SPTBN5: variants seen among roughly 807,000 people sequenced by gnomAD.
SPTBN5 encodes spectrin beta, non-erythrocytic 5, also known as spectrin beta chain, non-erythrocytic 5.
In SPTBN5, 513 loss-of-function variants were observed where a neutral mutation model predicts 477.6. That is an observed-to-expected ratio of 1.07 (90% CI 1.00 to 1.16). The LOEUF is 1.16. SPTBN5 is among the 50% of genes most tolerant of loss of function. SPTBN5 has a pLI of 0.00. For synonymous variants in SPTBN5, 2,169 were observed against 2,011.7 expected (o/e 1.08, Z -2.09); for missense variants, 5,062 against 4,731.8 (o/e 1.07, Z -2.05).
chr15:41,883,285 C>T lies in SPTBN5; in HGVS notation c.1660-57G>A, dbSNP rs1163746104. On this transcript the variant is annotated intron_variant, in intron 8 of 67. Coordinates refer to ENST00000320955, the MANE Select transcript of SPTBN5 (RefSeq NM_016642.4). ...CCAAGGTGCTGGGTCCCTCTGAGCA[C>T]TGGCACTGGGGAAGTCCCCCACCTT... is the stretch of plus-strand genomic sequence containing the variant. 4 of 1,605,346 alleles carry T rather than the reference C, an allele frequency of 2.5e-6. No homozygotes were observed. The African/African-American group carries it at 4.0e-5, about 16-fold the overall frequency.
chr15:41,849,775 C>T, intron 67 of SPTBN5, 94 bp downstream of exon 67: 2 of 985,806 alleles, frequency 2.0e-6, no homozygotes, highest in Non-Finnish European at 3.1e-6. Flanking sequence ...CAGAGTAAGT[C>T]TGAGGCCCAG....
rs2065759403 is a variant in SPTBN5 at position 41,851,474 on chromosome 15, G to A, written c.10657-105C>T. On this transcript the variant is annotated intron_variant, in intron 63 of 67. Transcript: ENST00000320955. ...TGTGGAGCTTCCCAGGAAAAGCGGT[G>A]GATTGGACCAAAGTCCCAATGGGGA... The A allele has an allele frequency of 3.5e-6, 3 of 852,790 alleles. No individual in the cohort carries two copies. The East Asian group carries it at 8.0e-5, about 23-fold the overall frequency. 52.8% of individuals were successfully genotyped at this position (852,790 alleles called of 1,614,324 possible). A position where few individuals can be genotyped will look rare whatever the true frequency, so the allele number is the denominator to read the frequency against.
chr15:41,871,498 T>A lies in SPTBN5; in HGVS notation c.5324A>T (p.Lys1775Met). ...GCCCATCTCCACTTGGTGCTGAAAC[T>A]TTGCAAACTTGGTGCAGAGGTGCTG... is the stretch of plus-strand genomic sequence containing the variant. ...HALHLCTKFA[K>M]FQHQVEMGSQ... The change falls in exon 29 of 68, where the codon AAG (lysine) becomes ATG (methionine). Residue 1775 changes from lysine to methionine, a missense_variant. By Grantham distance (95) the Lys-to-Met change is moderately conservative. Coordinates refer to ENST00000320955, the MANE Select transcript of SPTBN5 (RefSeq NM_016642.4). The A allele has an allele frequency of 6.6e-7, 1 of 1,512,590 alleles. No homozygotes were observed. Among genetic ancestry groups the A allele is most frequent in the Non-Finnish European group, 8.9e-7 (1 of 1,129,200 alleles). The allele number at this position is 1,512,590 out of a possible 1,614,324, so 93.7% of individuals were successfully genotyped here. A position where few individuals can be genotyped will look rare whatever the true frequency, so the allele number is the denominator to read the frequency against.
rs554271756 is a variant in SPTBN5, at chr15:41,867,051, G to C, written c.6388C>G (p.Arg2130Gly). The C allele has an allele frequency of 6.4e-7, 1 of 1,551,488 alleles. No homozygotes were observed. Among genetic ancestry groups the C allele is most frequent in the South Asian group, 1.2e-5 (1 of 84,240 alleles). The change falls in exon 36 of 68, where the codon CGC becomes GGC. Residue 2130 changes from arginine to glycine, a missense_variant. Coordinates refer to ENST00000320955, the MANE Select transcript of SPTBN5 (RefSeq NM_016642.4). ...GCCAGCTCCTTCACTCTCATCCGGC[G>C]CTGCAGCAGGATGGGAAGCCGGTCC... ...VRDRLPILLQ[R>G]RMRVKELAES...
At position 41,848,559 on chromosome 15, in the gene SPTBN5, C is replaced by T; in HGVS notation, c.*57G>A. ...GCCTGTAGCTGAGTCTTATTCTGGT[C>T]CCTTAGATGTGTCCTCGCTTGTGCC... On this transcript the variant is annotated 3_prime_UTR_variant, in exon 68 of 68. Coordinates refer to ENST00000320955, the MANE Select transcript of SPTBN5 (RefSeq NM_016642.4). The T allele has an allele frequency of 3.7e-6, 6 of 1,608,680 alleles. No homozygotes were observed. The highest frequency in any genetic ancestry group is 3.3e-5 in the Admixed American group (2 of 60,012).
At position 41,877,232 on chromosome 15, in the gene SPTBN5, G is replaced by A. The variant is rs763581256; in HGVS notation, c.3595C>T (p.Gln1199Ter). 2 of 1,613,996 alleles carry A rather than the reference G, an allele frequency of 1.2e-6. No homozygotes were observed. The highest frequency in any genetic ancestry group is 1.1e-5 in the South Asian group (1 of 91,084). Reference protein sequence around the residue: ...QGQELKVLWEQRQQWLQEGLE... With the variant: ...QGQELKVLWE ...CCCTCTTGCAGCCACTGCTGCCTCT[G>A]CTCCCACAAAACCTTCAGCTCCTGG... Residue 1199 changes from glutamine to a stop codon, truncating the protein, a stop_gained, in exon 18 of 68, where the codon CAG becomes TAG. Coordinates refer to ENST00000320955, the MANE Select transcript of SPTBN5 (RefSeq NM_016642.4). LOFTEE classifies it high-confidence loss of function.
intron 26 of SPTBN5, 47 bp downstream of exon 26, chr15:41,873,445 C>A: frequency 2.1e-6 from 3 of 1,407,972 alleles, no homozygotes; most frequent in South Asian, 2.5e-5. Context: ...TCCCCGTGGT[C>A]CATCATCACC....
In SPTBN5 at chr15:41,857,445, G is replaced by C; in HGVS notation, c.8414C>G (p.Pro2805Arg). The C allele has an allele frequency of 6.2e-7, 1 of 1,607,566 alleles. No homozygotes were observed. Among genetic ancestry groups the C allele is most frequent in the Non-Finnish European group, 8.5e-7 (1 of 1,177,322 alleles). ...SMEELENWLE[P>R]IEVELRAPTV... is the part of the protein sequence containing the mutation. ...GGGGGCTCTCAGCTCAACCTCGATG[G>C]GCTCCAGCCAGTTCTCCAGTTCCTC... Residue 2805 changes from proline to arginine, a missense_variant, in exon 51 of 68, where the codon CCC becomes CGC. By Grantham distance (103) the Pro-to-Arg change is moderately radical. Transcript: ENST00000320955.
intron 42 of SPTBN5, 27 bp from the exon 43 acceptor site, chr15:41,862,687 T>A: frequency 6.5e-7 from 1 of 1,543,106 alleles, no homozygotes; most frequent in Non-Finnish European, 8.7e-7. Context: ...GGTCAGAGGC[T>A]GGGGCAGGGG....
At chr15:41,850,706 T>C in intron 66 of SPTBN5, 148 bp downstream of exon 66, 1 of 731,476 alleles carries the variant, frequency 1.4e-6, no homozygotes, top group Non-Finnish European at 2.2e-6. Flanking sequence ...GGACCTAAAT[T>C]CTTTGAGGAA....
Position 41,851,087 on chromosome 15 carries a change from G to A in SPTBN5, c.10807C>T (p.His3603Tyr), listed in dbSNP as rs953443762. Residue 3603 changes from histidine (H) to tyrosine (Y), a missense_variant, in exon 65 of 68, where the codon CAC (histidine) becomes TAC (tyrosine). Transcript: ENST00000320955. ...AAGGAGAATGTGTGTTTCCTGCCGT[G>A]GCGGCCCCGCAGCCTCTCACACCGG... Reference protein sequence around the residue: ...GARCERLRGRHGRKHTFSLRL... With the variant: ...GARCERLRGRYGRKHTFSLRL... 2.5e-6 allele frequency: 4 copies of A among 1,612,824 alleles called. No homozygotes were observed. The highest frequency in any genetic ancestry group is 3.4e-6 in the Non-Finnish European group (4 of 1,179,762).
chr15:41,855,454 A>G, intron 54 of SPTBN5, 26 bp from the exon 55 acceptor site: 1 of 1,595,274 alleles, frequency 6.3e-7, no homozygotes, highest in Non-Finnish European at 8.6e-7. Context: ...GACAGTCTGG[A>G]CTGCAGCCCT....
In SPTBN5 at chr15:41,855,559, T is replaced by C; in HGVS notation, c.9208A>G (p.Asn3070Asp). The change falls in exon 54 of 68, where the codon AAC becomes GAC. Residue 3070 changes from asparagine (N) to aspartate (D), a missense_variant. Transcript: ENST00000320955. ...QTAALLESRKNPESPKVLAQL... is the reference protein window; with the variant it reads ...QTAALLESRKDPESPKVLAQL... Reference sequence around the variant, plus strand: ...GTGGCTTCCGCCCACCTTTCTGGGTTCTTCCTGCTCTCCAGGAGTGCTGCT... The same window carrying C: ...GTGGCTTCCGCCCACCTTTCTGGGTCCTTCCTGCTCTCCAGGAGTGCTGCT... 6.2e-7 allele frequency: 1 copy of C among 1,609,784 alleles called. No individual in the cohort carries two copies. Among genetic ancestry groups the C allele is most frequent in the Non-Finnish European group, 8.5e-7 (1 of 1,177,802 alleles).
In SPTBN5 at chr15:41,892,919, C is replaced by T. The variant is rs199555549; in HGVS notation, c.359G>A (p.Arg120Gln). Residue 120 changes from arginine (R) to glutamine (Q), a missense_variant, in exon 3 of 68, where the codon CGA (arginine) becomes CAA (glutamine). Physicochemically the swap from Arg to Gln is conservative, Grantham distance 43. Transcript: ENST00000320955. ...CTTGGCCCTGAGGAAGGCCAGAGCT[C>T]GGCTGCTGTTCTCCAGGAAGTGCAC... ...LRVHFLENSSRALAFLRAKVP... is the reference protein window; with the variant it reads ...LRVHFLENSSQALAFLRAKVP... 1.9e-4 allele frequency: 303 copies of T among 1,605,258 alleles called. 1 individual carries two copies. The African/African-American group carries it at 3.2e-3, about 17-fold the overall frequency.
chr15:41,892,556 C>CT (rs1453186939), intron 3 of SPTBN5, among the ~76,000 whole-genome samples: 5 of 152,234 alleles, frequency 3.3e-5, no homozygotes, highest in African/African-American at 1.2e-4. Context: ...TTCAGGGCCT[C>CT]TGTTTCCTCA....
intron 6 of SPTBN5, 94 bp downstream of exon 6, chr15:41,887,119 G>C (rs917270622): frequency 2.5e-6 from 3 of 1,198,436 alleles, no homozygotes; most frequent in Non-Finnish European, 3.6e-6. Flanking sequence ...ACTTGGCCAA[G>C]GCCACACAGC....
rs760008509 is a variant in SPTBN5 at position 41,854,184 on chromosome 15, CCTCATGGG to C, written c.9632_9639del (p.Ala3211GlyfsTer10). On this transcript the variant is annotated frameshift_variant, in exon 57 of 68. Coordinates refer to ENST00000320955, the MANE Select transcript of SPTBN5 (RefSeq NM_016642.4). LOFTEE classifies it high-confidence loss of function. The stretch of plus-strand genomic sequence containing the variant: ...GCTGCTGCCTGCTGAAAGCTGTGGA[CCTCATGGG>C]CTGCAGCCAAGTTCTGGGAGAGGAG... 12 of 1,600,154 alleles carry C rather than the reference CCTCATGGG, an allele frequency of 7.5e-6. No homozygotes were observed. Among genetic ancestry groups the C allele is most frequent in the Non-Finnish European group, 1.0e-5 (12 of 1,173,712 alleles).
chr15:41,877,052 C>A, intron 18 of SPTBN5, 64 bp downstream of exon 18: 1 of 1,603,130 alleles, frequency 6.2e-7, no homozygotes, highest in Non-Finnish European at 8.5e-7. Context: ...CTTCTGGACT[C>A]AAGGGGATGA....
rs1555460268 is a variant in SPTBN5 at position 41,852,773 on chromosome 15, G to GGGA, written c.10348-39_10348-38insTCC. 7 of 1,597,170 alleles carry GGGA rather than the reference G, an allele frequency of 4.4e-6. No homozygotes were observed. The Admixed American group carries it at 6.7e-5, about 15-fold the overall frequency. ...ATGTTCAGGTGACGCCCAGCTTGGG[G>GGGA]GGGGGGGCCCAGAGCCTGGTAGCCA... On this transcript the variant is annotated intron_variant, in intron 60 of 67. Transcript: ENST00000320955.
Sources: gnomAD v4.1 joint callset for allele counts (sites outside exome capture counted in the v4.1 genomes callset) on GRCh38, gnomAD v4.1.1 for gene constraint, MANE v1.5 for transcripts, NCBI Gene and HGNC (gene_info 2026-07-23, HGNC 2026-07-21) for gene names.